Variants in NLGN1 observed in about 807,000 individuals in gnomAD.
The protein encoded by NLGN1 is neuroligin-1.
A neutral mutation model predicts 65.5 loss-of-function variants in NLGN1; 12 were observed. The observed-to-expected ratio is 0.18, with a 90% CI of 0.12 to 0.30. The LOEUF (loss-of-function observed/expected upper bound fraction) is 0.30, where lower values mean the gene tolerates loss of function less well. Among genes scored for constraint, NLGN1 ranks in the 10% least tolerant of loss-of-function variants. NLGN1 has a pLI of 1.00. For missense variants in NLGN1, 750 were observed against 1,007.1 expected, an observed-to-expected ratio of 0.74 and a Z score of 3.46; for synonymous variants, 350 against 359.5, an observed-to-expected ratio of 0.97 and a Z score of 0.30.
At chr3:173,644,953 A>C (rs16828952) in intron 3 of NLGN1, among the ~76,000 whole-genome samples, 77,412 of 152,024 alleles carry the variant, frequency 0.51, 21,308 homozygotes, top group East Asian at 0.71. Flanking sequence ...GGATACATGG[A>C]TTTTGGCCCA....
At chr3:174,026,440 A>T (rs1728845469) in intron 4 of NLGN1, among the ~76,000 whole-genome samples, 1 of 152,172 alleles carries the variant, frequency 6.6e-6, no homozygotes, top group Non-Finnish European at 1.5e-5. Context: ...TGATTTTTTT[A>T]AATCCTAATA....
At chr3:173,498,623 C>T (rs1374874397) in intron 2 of NLGN1, among the ~76,000 whole-genome samples, 5 of 151,758 alleles carry the variant, frequency 3.3e-5, no homozygotes, top group Admixed American at 6.6e-5. Flanking sequence ...CCTGAGGAAT[C>T]ACCACACTGA....
At chr3:173,415,904 T>TATATAGAG (rs1380777305) in intron 1 of NLGN1, among the ~76,000 whole-genome samples, 197 of 125,444 alleles carry the variant, frequency 1.6e-3, no homozygotes, top group African/African-American at 6.0e-3. Flanking sequence ...TATATATATA[T>TATATAGAG]AGAGAGAGAG....
intron 4 of NLGN1, among the ~76,000 whole-genome samples, chr3:174,034,240 G>A (rs148037999): frequency 6.6e-6 from 1 of 151,902 alleles, no homozygotes. Flanking sequence ...ACATGAAAGA[G>A]AATTAAAGCT....
chr3:174,199,289 G>A (rs905791355), intron 4 of NLGN1, among the ~76,000 whole-genome samples: 3 of 151,782 alleles, frequency 2.0e-5, no homozygotes, highest in Admixed American at 6.6e-5. Flanking sequence ...CACATACCCC[G>A]TAAGTTTGTT....
intron 1 of NLGN1, among the ~76,000 whole-genome samples, chr3:173,420,399 A>C (rs1209054395): frequency 6.6e-6 from 1 of 152,114 alleles, no homozygotes; most frequent in African/African-American, 2.4e-5. Flanking sequence ...CCTACAAAGG[A>C]CATGAACTCA....
chr3:174,050,221 T>A (rs192213744), intron 4 of NLGN1, among the ~76,000 whole-genome samples: 5 of 152,146 alleles, frequency 3.3e-5, no homozygotes, highest in Admixed American at 3.3e-4. Context: ...GTGATTAAAG[T>A]CAGGTGACTA....
At chr3:173,885,026 C>T (rs1237097566) in intron 4 of NLGN1, among the ~76,000 whole-genome samples, 1 of 152,122 alleles carries the variant, frequency 6.6e-6, no homozygotes, top group Non-Finnish European at 1.5e-5. Flanking sequence ...TAATCACCTG[C>T]TAAAGTCCCC....
intron 2 of NLGN1, among the ~76,000 whole-genome samples, chr3:173,594,413 T>C (rs1749088900): frequency 6.6e-6 from 1 of 152,200 alleles, no homozygotes; most frequent in African/African-American, 2.4e-5. Context: ...ACTCCAGGTC[T>C]CACATCCAGG....
chr3:173,808,171 G>A lies in NLGN1; in HGVS notation c.646+339G>A, dbSNP rs377420253. ...TTTACAATACTCTAAGTTTCCCTGAGGTTTGGCGTGAGCTAAGACTAAGTT... is the reference window on the plus strand; with the variant it reads ...TTTACAATACTCTAAGTTTCCCTGAAGTTTGGCGTGAGCTAAGACTAAGTT... On this transcript the variant is annotated intron_variant, in intron 4 of 6. Coordinates refer to ENST00000457714, the Ensembl canonical transcript of NLGN1. Among the ~76,000 whole-genome samples, 32 of 152,168 alleles carry A rather than the reference G, an allele frequency of 2.1e-4. 1 individual carries two copies. In the East Asian group the frequency reaches 2.7e-3, roughly 13 times the overall value.
intron 4 of NLGN1, among the ~76,000 whole-genome samples, chr3:173,950,470 T>A (rs1579368325): frequency 6.6e-6 from 1 of 152,190 alleles, no homozygotes; most frequent in Admixed American, 6.5e-5. Context: ...TATGTTTATG[T>A]GCAAAGGAGA....
At chr3:173,498,197 C>T (rs1396489568) in intron 2 of NLGN1, among the ~76,000 whole-genome samples, 1 of 151,606 alleles carries the variant, frequency 6.6e-6, no homozygotes, top group Non-Finnish European at 1.5e-5. Flanking sequence ...AATGCTATCC[C>T]TCCCCACTCC....
At chr3:173,977,375 T>A (rs76077752) in intron 4 of NLGN1, among the ~76,000 whole-genome samples, 3,043 of 151,960 alleles carry the variant, frequency 0.02, 97 homozygotes, top group African/African-American at 0.07. Flanking sequence ...TGAGGGATCA[T>A]GGCGAAGGAC....
chr3:173,724,675 A>G lies in NLGN1; in HGVS notation c.494-83005A>G, dbSNP rs183088594. The stretch of plus-strand genomic sequence containing the variant: ...AAATACCATTTGACCCAGCCATCCC[A>G]TTATTGGGCATATACCCAAAGGATT... On this transcript the variant is annotated intron_variant, in intron 3 of 6. Transcript: ENST00000457714. Among the ~76,000 whole-genome samples, 26 of 152,284 alleles carry G rather than the reference A, an allele frequency of 1.7e-4. No individual in the cohort carries two copies. The East Asian group carries it at 5.0e-3, about 29-fold the overall frequency.
intron 3 of NLGN1, among the ~76,000 whole-genome samples, chr3:173,607,727 G>A (rs1000716609): frequency 6.6e-6 from 1 of 151,332 alleles, no homozygotes; most frequent in Non-Finnish European, 1.5e-5. Context: ...TACTGCATGT[G>A]GACTGTGAGA....
intron 4 of NLGN1, among the ~76,000 whole-genome samples, chr3:173,906,591 A>G (rs1032537964): frequency 6.6e-6 from 1 of 152,122 alleles, no homozygotes; most frequent in African/African-American, 2.4e-5. Context: ...CGCCTTTCCC[A>G]CGATGGAGGC....
At chr3:173,939,483 C>T (rs996708222) in intron 4 of NLGN1, among the ~76,000 whole-genome samples, 3 of 152,238 alleles carry the variant, frequency 2.0e-5, no homozygotes, top group Admixed American at 6.5e-5. Context: ...GAGGATTATA[C>T]ATACCACAGG....
intron 3 of NLGN1, among the ~76,000 whole-genome samples, chr3:173,672,386 TGAAATGCTTAC>T (rs934095390): frequency 6.6e-6 from 1 of 152,148 alleles, no homozygotes; most frequent in Non-Finnish European, 1.5e-5. Flanking sequence ...AAAGACTGGG[TGAAATGCTTAC>T]GAGATTTGCA....
At position 173,502,501 on chromosome 3, in the gene NLGN1, A is replaced by G. The variant is rs557180406; in HGVS notation, c.-321+67423A>G. Among the ~76,000 whole-genome samples, 9 of 152,256 alleles carry G rather than the reference A, an allele frequency of 5.9e-5. No individual in the cohort carries two copies. The South Asian group carries it at 1.5e-3, about 25-fold the overall frequency. ...ATGTTGCCAGAATTTCATTTTTCAC[A>G]AAAGGGATACATAGTTTTCTAGCTA... On this transcript the variant is annotated intron_variant, in intron 2 of 6. Transcript: ENST00000457714.
Sources: gnomAD v4.1 joint callset for allele counts (sites outside exome capture counted in the v4.1 genomes callset) on GRCh38, gnomAD v4.1.1 for gene constraint, MANE v1.5 for transcripts, NCBI Gene and HGNC (gene_info 2026-07-23, HGNC 2026-07-21) for gene names.